UGT8: variants seen among roughly 807,000 people sequenced by gnomAD.
UGT8 encodes the protein 2-hydroxyacylsphingosine 1-beta-galactosyltransferase.
In UGT8, 12 loss-of-function variants were observed where a neutral mutation model predicts 40.5. That is an observed-to-expected ratio of 0.30 (90% confidence interval 0.19 to 0.48). The LOEUF (loss-of-function observed/expected upper bound fraction) is 0.48, where lower values mean the gene tolerates loss of function less well. Ranked by LOEUF, UGT8 falls within the 20% of genes least tolerant of loss-of-function variation. The pLI is 0.99. For missense variants in UGT8, 513 were observed against 648.7 expected (o/e 0.79, Z 2.27); for synonymous variants, 224 against 240.4 (o/e 0.93, Z 0.63).
chr4:114,622,487 G>C (rs1262714384), intron 1 of UGT8: 1 of 179,218 alleles, frequency 5.6e-6, no homozygotes, highest in African/African-American at 2.4e-5. Flanking sequence ...GGATGGCTGG[G>C]TTCTAGATCC....
chr4:114,676,885 GT>G lies in UGT8; in HGVS notation c.*603del, dbSNP rs1354062736. 4 of 151,038 alleles carry G rather than the reference GT, an allele frequency of 2.6e-5. No individual in the cohort carries two copies. The highest frequency in any genetic ancestry group is 5.9e-5 in the Non-Finnish European group (4 of 67,796). 9.4% of individuals were successfully genotyped at this position (151,038 alleles called of 1,614,324 possible). A position where few individuals can be genotyped will look rare whatever the true frequency, so the allele number is the denominator to read the frequency against. On this transcript the variant is annotated 3_prime_UTR_variant, in exon 6 of 6. Coordinates refer to ENST00000310836, the MANE Select transcript of UGT8 (RefSeq NM_001128174.3). ...AGAAAAAAAAAAAAGAAATGGCACA[GT>G]TTTTTGTATTTTTTTTTTTAGTTAT...
At chr4:114,642,548 T>G (rs1733292200) in intron 2 of UGT8, among the ~76,000 whole-genome samples, 1 of 152,170 alleles carries the variant, frequency 6.6e-6, no homozygotes, top group African/African-American at 2.4e-5. Context: ...TCCTGAATCC[T>G]CCTATATTTT....
At chr4:114,609,151 G>C (rs1200517226) in intron 1 of UGT8, among the ~76,000 whole-genome samples, 2 of 152,132 alleles carry the variant, frequency 1.3e-5, no homozygotes, top group African/African-American at 4.8e-5. Flanking sequence ...AGGATTGCTT[G>C]AGGTCAGGAG....
In UGT8 at chr4:114,623,439, C is replaced by G. The variant is rs568970139; in HGVS notation, c.559C>G (p.Arg187Gly). 1 of 1,614,154 alleles carries G rather than the reference C, an allele frequency of 6.2e-7. No homozygotes were observed. The highest frequency in any genetic ancestry group is 8.5e-7 in the Non-Finnish European group (1 of 1,180,030). The change falls in exon 2 of 6, where the codon CGC becomes GGC. Residue 187 changes from arginine (R) to glycine (G), a missense_variant. This residue lies in a region of UGT8 where 335 missense variants were observed against 444.8 expected (regional missense o/e 0.75). Transcript: ENST00000310836. ...AGAGTTTAACTCACTCCTCACAGAC[C>G]GCATGAACTTGCTGCAAAGGATGAA... ...VPEFNSLLTD[R>G]MNLLQRMKNT...
intron 1 of UGT8, among the ~76,000 whole-genome samples, chr4:114,599,322 G>T (rs896420023): frequency 6.6e-6 from 1 of 152,130 alleles, no homozygotes; most frequent in African/African-American, 2.4e-5. Context: ...ACGGGGAGGC[G>T]ATTCGGCCGA....
intron 2 of UGT8, among the ~76,000 whole-genome samples, chr4:114,650,156 G>C (rs1364062963): frequency 6.6e-6 from 1 of 152,178 alleles, no homozygotes; most frequent in African/African-American, 2.4e-5. Context: ...GGTGACTCCA[G>C]CTGTGTAGTC....
chr4:114,658,326 C>T (rs1047709543), intron 2 of UGT8, among the ~76,000 whole-genome samples: 2 of 152,192 alleles, frequency 1.3e-5, no homozygotes, highest in Non-Finnish European at 2.9e-5. Flanking sequence ...AGGATTCTCT[C>T]ACAGTCCAGG....
intron 2 of UGT8, among the ~76,000 whole-genome samples, chr4:114,653,991 A>C (rs1734030445): frequency 6.6e-6 from 1 of 152,118 alleles, no homozygotes; most frequent in African/African-American, 2.4e-5. Context: ...TGCAGGTTAA[A>C]CAAGATCTGC....
At chr4:114,640,221 G>A (rs1055444539) in intron 2 of UGT8, among the ~76,000 whole-genome samples, 3 of 151,812 alleles carry the variant, frequency 2.0e-5, no homozygotes, top group Non-Finnish European at 2.9e-5. Context: ...TAGTAGAGAC[G>A]GGGTTTCACC....
At chr4:114,674,515 C>T (rs1735497937) in intron 5 of UGT8, among the ~76,000 whole-genome samples, 1 of 152,140 alleles carries the variant, frequency 6.6e-6, no homozygotes, top group Non-Finnish European at 1.5e-5. Flanking sequence ...CGAGTATCTT[C>T]CCTCTGCTTT....
chr4:114,643,886 G>C (rs1043492893), intron 2 of UGT8, among the ~76,000 whole-genome samples: 2 of 151,888 alleles, frequency 1.3e-5, no homozygotes, highest in African/African-American at 4.8e-5. Context: ...AAATACTGGT[G>C]GTTCCTCCTT....
At chr4:114,639,245 T>C (rs553131140) in intron 2 of UGT8, among the ~76,000 whole-genome samples, 3 of 152,348 alleles carry the variant, frequency 2.0e-5, no homozygotes, top group Admixed American at 6.5e-5. Context: ...ATTCACTCAG[T>C]CATTCATCAA....
At chr4:114,669,770 A>G (rs975719815) in intron 5 of UGT8, among the ~76,000 whole-genome samples, 3 of 152,242 alleles carry the variant, frequency 2.0e-5, no homozygotes, top group Non-Finnish European at 4.4e-5. Context: ...AAGTATGCAC[A>G]TCAGATAATG....
chr4:114,676,401 C>A lies in UGT8; in HGVS notation c.*113C>A. ...CATCAGTAAACAATTCTAACATGCCCTTATGAGATCTACTAATGAAATTCT... is the reference window on the plus strand; with the variant it reads ...CATCAGTAAACAATTCTAACATGCCATTATGAGATCTACTAATGAAATTCT... On this transcript the variant is annotated 3_prime_UTR_variant, in exon 6 of 6. Transcript: ENST00000310836. 1.2e-6 allele frequency: 1 copy of A among 852,396 alleles called. No homozygotes were observed. The highest frequency in any genetic ancestry group is 2.5e-5 in the East Asian group (1 of 39,566). 52.8% of individuals were successfully genotyped at this position (852,396 alleles called of 1,614,324 possible). A position where few individuals can be genotyped will look rare whatever the true frequency, so the allele number is the denominator to read the frequency against.
At chr4:114,616,017 G>A (rs1731401643) in intron 1 of UGT8, among the ~76,000 whole-genome samples, 1 of 152,118 alleles carries the variant, frequency 6.6e-6, no homozygotes, top group Non-Finnish European at 1.5e-5. Context: ...CTTACTGGGG[G>A]GTGCCTCCCA....
rs1203874100 is a variant in UGT8 at position 114,665,661 on chromosome 4, T to C, written c.966-19T>C. 1.9e-6 allele frequency: 3 copies of C among 1,586,622 alleles called. No individual in the cohort carries two copies. The Admixed American group carries it at 5.5e-5, about 29-fold the overall frequency. Reference sequence around the variant, plus strand: ...AAGGTTTGATTTTTAAAAGACTAATTGTCTGGTGTACATTTTAGGTTTTCT... The same window carrying C: ...AAGGTTTGATTTTTAAAAGACTAATCGTCTGGTGTACATTTTAGGTTTTCT... On this transcript the variant is annotated intron_variant, in intron 3 of 5. Coordinates refer to ENST00000310836, the MANE Select transcript of UGT8 (RefSeq NM_001128174.3).
At chr4:114,635,008 C>A (rs1296552407) in intron 2 of UGT8, among the ~76,000 whole-genome samples, 1 of 149,808 alleles carries the variant, frequency 6.7e-6, no homozygotes, top group Non-Finnish European at 1.5e-5. Context: ...ATCAGTTTTA[C>A]AATTTGTGTA....
At chr4:114,603,229 G>T (rs1202298667) in intron 1 of UGT8, among the ~76,000 whole-genome samples, 1 of 152,138 alleles carries the variant, frequency 6.6e-6, no homozygotes, top group Non-Finnish European at 1.5e-5. Flanking sequence ...AACTTGAAGT[G>T]CTTATAGAAA....
At chr4:114,628,796 C>T (rs1053873702) in intron 2 of UGT8, among the ~76,000 whole-genome samples, 4 of 38,954 alleles carry the variant, frequency 1.0e-4, no homozygotes, top group Admixed American at 3.8e-4. Flanking sequence ...AGGGACTAGA[C>T]CAGGAGATAT....
Sources: allele counts gnomAD v4.1 joint callset (sites outside exome capture counted in the v4.1 genomes callset), GRCh38; gene constraint gnomAD v4.1.1; regional missense constraint gnomAD v4.1.1; transcripts MANE v1.5; gene names NCBI Gene and HGNC (gene_info 2026-07-23, HGNC 2026-07-21).